Variants in CNTNAP2 observed in about 807,000 individuals in gnomAD.
CNTNAP2 encodes the protein contactin-associated protein-like 2.
In CNTNAP2, 98 loss-of-function variants were observed where a neutral mutation model predicts 155.2. The ratio of observed to expected loss-of-function variants is 0.63; its 90% CI spans 0.54 to 0.75. The LOEUF (loss-of-function observed/expected upper bound fraction) is 0.75. Among genes scored for constraint, CNTNAP2 ranks in the 30% least tolerant of loss-of-function variants. CNTNAP2 has a pLI of 0.00. For synonymous variants in CNTNAP2, 651 were observed against 631.2 expected, an observed-to-expected ratio of 1.03 and a Z score of -0.47; for missense variants, 1,727 against 1,688.1, an observed-to-expected ratio of 1.02 and a Z score of -0.40.
Position 148,415,982 on chromosome 7 carries a change from A to C in CNTNAP2, c.*366A>C, listed in dbSNP as rs1224838902. 2 of 265,386 alleles carry C rather than the reference A, an allele frequency of 7.5e-6. No individual in the cohort carries two copies. The highest frequency in any genetic ancestry group is 1.4e-5 in the Non-Finnish European group (2 of 140,522). 16.4% of individuals were successfully genotyped at this position (265,386 alleles called of 1,614,324 possible). A position where few individuals can be genotyped will look rare whatever the true frequency, so the allele number is the denominator to read the frequency against. ...TTTCTACGTTTTTAAGAGCCCTTAGAACGTGGGTATTTTTTTTCTTGAGAA... is the reference window on the plus strand; with the variant it reads ...TTTCTACGTTTTTAAGAGCCCTTAGCACGTGGGTATTTTTTTTCTTGAGAA... On this transcript the variant is annotated 3_prime_UTR_variant, in exon 24 of 24. Coordinates refer to ENST00000361727, the MANE Select transcript of CNTNAP2 (RefSeq NM_014141.6).
chr7:146,366,847 A>T (rs1319451821), intron 1 of CNTNAP2, among the ~76,000 whole-genome samples: 1 of 152,106 alleles, frequency 6.6e-6, no homozygotes, highest in Non-Finnish European at 1.5e-5. Context: ...TCCAGCTCAG[A>T]TTTACTTTTG....
intron 14 of CNTNAP2, among the ~76,000 whole-genome samples, chr7:147,914,690 T>C (rs1800128996): frequency 6.6e-6 from 1 of 152,254 alleles, no homozygotes; most frequent in South Asian, 2.1e-4. Context: ...GCTGGGACTA[T>C]AGGCACAAAC....
chr7:146,879,948 C>G (rs1795508124), intron 3 of CNTNAP2, among the ~76,000 whole-genome samples: 1 of 151,904 alleles, frequency 6.6e-6, no homozygotes, highest in Non-Finnish European at 1.5e-5. Context: ...GCAGACAAGA[C>G]AGAACAAGAG....
intron 15 of CNTNAP2, among the ~76,000 whole-genome samples, chr7:148,039,034 G>A (rs1802621911): frequency 6.6e-6 from 1 of 152,206 alleles, no homozygotes. Context: ...CATATGAGAA[G>A]AGATTTATTA....
rs200796835 is a variant in CNTNAP2, at chr7:146,483,282, A to AATATAT, written c.98-290947_98-290942dup. Among the ~76,000 whole-genome samples the AATATAT allele has an allele frequency of 4.9e-3, 193 of 39,792 alleles. 4 individuals are homozygous for AATATAT. The highest frequency in any genetic ancestry group is 6.6e-3 in the Non-Finnish European group (131 of 19,900). The allele number at this position is 39,792 out of a possible 152,430, so 26.1% of individuals were successfully genotyped here. A position where few individuals can be genotyped will look rare whatever the true frequency, so the allele number is the denominator to read the frequency against. ...CAGAGCAAGACTCCGTCTAAAAAAA[A>AATATAT]ATATATATATATATATATATATATA... On this transcript the variant is annotated intron_variant, in intron 1 of 23. Coordinates refer to ENST00000361727, the MANE Select transcript of CNTNAP2 (RefSeq NM_014141.6).
chr7:147,377,143 C>A (rs1525221), intron 9 of CNTNAP2, among the ~76,000 whole-genome samples: 37,779 of 150,518 alleles, frequency 0.25, 5,504 homozygotes, highest in African/African-American at 0.39. Flanking sequence ...TTCTCCCCCC[C>A]CTTTTGGTTG....
intron 8 of CNTNAP2, among the ~76,000 whole-genome samples, chr7:147,235,345 G>GGTGTGTGTGTGTGTGTGTGTGTGT (rs60072934): frequency 3.5e-5 from 5 of 140,974 alleles, no homozygotes; most frequent in African/African-American, 5.3e-5. Flanking sequence ...TGGAGTTTTT[G>GGTGTGTGTGTGTGTGTGTGTGTGT]GTGTGTGTGT....
intron 15 of CNTNAP2, among the ~76,000 whole-genome samples, chr7:148,094,021 G>A (rs1803908695): frequency 6.6e-6 from 1 of 152,196 alleles, no homozygotes; most frequent in Non-Finnish European, 1.5e-5. Flanking sequence ...GCCTCCCAAA[G>A]TGCTGGGATT....
At chr7:146,340,219 G>T (rs1801356834) in intron 1 of CNTNAP2, among the ~76,000 whole-genome samples, 1 of 143,122 alleles carries the variant, frequency 7.0e-6, no homozygotes, top group Non-Finnish European at 1.5e-5. Context: ...AGAGAGAAAT[G>T]AATCATATTG....
intron 17 of CNTNAP2, 79 bp from the exon 18 acceptor site, chr7:148,172,163 C>T (rs1805804906): frequency 7.2e-7 from 1 of 1,388,280 alleles, no homozygotes. Flanking sequence ...CATCTCCTAC[C>T]ACAGTTGTTC....
At chr7:147,441,222 G>A (rs1797630908) in intron 10 of CNTNAP2, among the ~76,000 whole-genome samples, 1 of 151,808 alleles carries the variant, frequency 6.6e-6, no homozygotes, top group East Asian at 2.0e-4. Flanking sequence ...TCTTCTGCTT[G>A]ATCAATTCAG....
At chr7:147,019,896 GA>G (rs573911457) in intron 3 of CNTNAP2, among the ~76,000 whole-genome samples, 95 of 151,794 alleles carry the variant, frequency 6.3e-4, no homozygotes, top group Admixed American at 1.8e-3. Context: ...AATTTAGCTA[GA>G]AAAAAAATAA....
At chr7:146,197,711 G>A (rs939005721) in intron 1 of CNTNAP2, among the ~76,000 whole-genome samples, 1 of 152,076 alleles carries the variant, frequency 6.6e-6, no homozygotes, top group South Asian at 2.1e-4. Context: ...CTAACAGTAT[G>A]CTGACTTCAT....
chr7:147,330,296 A>T (rs1034633376), intron 9 of CNTNAP2, among the ~76,000 whole-genome samples: 5 of 152,146 alleles, frequency 3.3e-5, no homozygotes, highest in African/African-American at 1.2e-4. Flanking sequence ...ACTGTGTGCA[A>T]CTACTCCCCC....
At chr7:148,078,376 C>T (rs1321630038) in intron 15 of CNTNAP2, among the ~76,000 whole-genome samples, 3 of 152,138 alleles carry the variant, frequency 2.0e-5, no homozygotes, top group Non-Finnish European at 4.4e-5. Context: ...CCCACCTGGC[C>T]ACTTCTTTTA....
chr7:147,131,413 T>C lies in CNTNAP2; in HGVS notation c.1084-832T>C, dbSNP rs374354262. ...CAGATTTTTAGACCTGTAAAGAGAA[T>C]GTAGTTAGGCACTGAAATATACAAT... On this transcript the variant is annotated intron_variant, in intron 7 of 23. Coordinates refer to ENST00000361727, the MANE Select transcript of CNTNAP2 (RefSeq NM_014141.6). 2.5e-4 allele frequency among the ~76,000 whole-genome samples: 38 copies of C among 152,022 alleles called. No homozygotes were observed. The East Asian group carries it at 5.6e-3, about 23-fold the overall frequency.
chr7:148,343,666 AT>A (rs1434784722), intron 21 of CNTNAP2, among the ~76,000 whole-genome samples: 1 of 152,230 alleles, frequency 6.6e-6, no homozygotes, highest in East Asian at 1.9e-4. Flanking sequence ...AGACAAGAAA[AT>A]GTCAACTTTC....
intron 1 of CNTNAP2, among the ~76,000 whole-genome samples, chr7:146,351,013 A>T (rs1584883210): frequency 8.9e-6 from 1 of 112,548 alleles, no homozygotes; most frequent in African/African-American, 3.4e-5. Flanking sequence ...GGAGCATCAC[A>T]CTCTGGGGCT....
At chr7:146,533,225 GT>G (rs1797797072) in intron 1 of CNTNAP2, among the ~76,000 whole-genome samples, 1 of 150,296 alleles carries the variant, frequency 6.7e-6, no homozygotes, top group South Asian at 2.1e-4. Flanking sequence ...TGAACACCTA[GT>G]TTCATACCCA....
Sources: allele counts gnomAD v4.1 joint callset (sites outside exome capture counted in the v4.1 genomes callset), GRCh38; gene constraint gnomAD v4.1.1; transcripts MANE v1.5; gene names NCBI Gene and HGNC (gene_info 2026-07-23, HGNC 2026-07-21).